Variants in PRSS58 observed in about 807,000 individuals in gnomAD.
PRSS58 encodes serine protease 58.
Under a neutral mutation model 25.0 loss-of-function variants are expected in PRSS58, and 31 were observed. That is an observed-to-expected ratio of 1.24 (90% CI 0.93 to 1.67). PRSS58 has a LOEUF of 1.67. Ranked by LOEUF, PRSS58 falls within the 40% of genes most tolerant of loss-of-function variation. PRSS58 has a pLI of 0.00. For synonymous variants in PRSS58, 119 were observed against 106.1 expected, an observed-to-expected ratio of 1.12 and a Z score of -0.75; for missense variants, 324 against 287.9, an observed-to-expected ratio of 1.13 and a Z score of -0.91.
chr7:142,254,551 T>C (rs1343877250), intron 4 of PRSS58, among the ~76,000 whole-genome samples: 1 of 152,232 alleles, frequency 6.6e-6, no homozygotes, highest in East Asian at 1.9e-4. Context: ...TTTCAGAAGT[T>C]CTTTTTAAAA....
intron 5 of PRSS58, 24 bp downstream of exon 5, chr7:142,252,448 A>ATTAATGGATGAAGAGTATTTTACC: frequency 1.9e-6 from 3 of 1,611,876 alleles, no homozygotes; most frequent in Non-Finnish European, 2.5e-6. Flanking sequence ...AAATGGGAAA[A>ATTAATGGATGAAGAGTATTTTACC]TTAATGGATG....
At chr7:142,256,201 G>A (rs1259559523) in intron 2 of PRSS58, among the ~76,000 whole-genome samples, 1 of 152,108 alleles carries the variant, frequency 6.6e-6, no homozygotes, top group South Asian at 2.1e-4. Context: ...TCTGTTTTAG[G>A]GGCTTGGGCT....
At chr7:142,255,781 G>A in intron 2 of PRSS58, 108 bp from the exon 3 acceptor site, 1 of 893,810 alleles carries the variant, frequency 1.1e-6, no homozygotes. Context: ...CTTTTCTCTA[G>A]CAACTTTATC....
At chr7:142,257,617 T>C (rs1585255274) in intron 2 of PRSS58, 51 bp downstream of exon 2, 1 of 1,504,622 alleles carries the variant, frequency 6.6e-7, no homozygotes. Context: ...TTTCATGCTT[T>C]TCCCAGGATT....
At chr7:142,252,882 G>C (rs981761741) in intron 4 of PRSS58, among the ~76,000 whole-genome samples, 3 of 152,182 alleles carry the variant, frequency 2.0e-5, no homozygotes, top group African/African-American at 7.2e-5. Context: ...GAAACACTTT[G>C]TCTTAAACTT....
In PRSS58 at chr7:142,252,509, C is replaced by A. The variant is rs1321967271; in HGVS notation, c.539G>T (p.Cys180Phe). The A allele has an allele frequency of 6.2e-7, 1 of 1,614,186 alleles. No individual in the cohort carries two copies. The highest frequency in any genetic ancestry group is 1.7e-5 in the Admixed American group (1 of 60,020). Residue 180 changes from cysteine to phenylalanine, a missense_variant, in exon 5 of 6, where the codon TGT becomes TTT. Transcript: ENST00000547058. ...CCTCCTTCCTGGCACAATGCCCACA[C>A]ACAGCATATTTTCCGTGATGTTGTA... ...KTYNITENML[C>F]VGIVPGRRQP...
Position 142,252,532 on chromosome 7 carries a change from G to A in PRSS58, c.516C>T (p.Tyr172=). The change falls in exon 5 of 6, where the codon TAC becomes TAT. Residue 172 remains tyrosine, a synonymous_variant. Transcript: ENST00000547058. ...CACACAGCATATTTTCCGTGATGTT[G>A]TAGGTTTTATAGGCATCGCGACACT... is the stretch of plus-strand genomic sequence containing the variant. The part of the protein sequence containing the change: ...KPQCRDAYKT[Y]NITENMLCVG... The A allele has an allele frequency of 6.2e-7, 1 of 1,614,216 alleles. No homozygotes were observed. Among genetic ancestry groups the A allele is most frequent in the Non-Finnish European group, 8.5e-7 (1 of 1,180,024 alleles).
Position 142,255,230 on chromosome 7 carries a change from C to G in PRSS58, c.261G>C (p.Met87Ile), listed in dbSNP as rs781031779. 12 of 1,613,842 alleles carry G rather than the reference C, an allele frequency of 7.4e-6. No individual in the cohort carries two copies. The East Asian group carries it at 2.7e-4, about 36-fold the overall frequency. ...TGACTGAGAAGTGTGGATGATGAAT[C>G]ATCTTCTCATAGCCAATCACTTGCA... ...KHLQVIGYEK[M>I]IHHPHFSVTS... Residue 87 changes from methionine (M) to isoleucine (I), a missense_variant, in exon 4 of 6, where the codon ATG becomes ATC. By Grantham distance (10) the Met-to-Ile change is conservative. Transcript: ENST00000547058.
chr7:142,254,173 A>G (rs771420746), intron 4 of PRSS58, among the ~76,000 whole-genome samples: 4 of 152,194 alleles, frequency 2.6e-5, no homozygotes, highest in African/African-American at 4.8e-5. Context: ...AGTTGCATTA[A>G]TAATTCTTCA....
Position 142,252,340 on chromosome 7 carries a change from C to G in PRSS58, c.607G>C (p.Gly203Arg). ...AAAGACAGGATTCCTTGAAGCATCCCATTGCAGATTGCCGGGGCAGCAGAA... is the reference window on the plus strand; with the variant it reads ...AAAGACAGGATTCCTTGAAGCATCCGATTGCAGATTGCCGGGGCAGCAGAA... The part of the protein sequence containing the change: ...EVSAAPAICN[G>R]MLQGILSFAD... Residue 203 changes from glycine to arginine, a missense_variant, in exon 6 of 6, where the codon GGG (glycine) becomes CGG (arginine). Coordinates refer to ENST00000547058, the MANE Select transcript of PRSS58 (RefSeq NM_001001317.5). The G allele has an allele frequency of 6.2e-7, 1 of 1,614,026 alleles. No homozygotes were observed. Among genetic ancestry groups the G allele is most frequent in the Non-Finnish European group, 8.5e-7 (1 of 1,179,970 alleles).
Position 142,252,383 on chromosome 7 carries a change from C to CAAT in PRSS58, c.577-16_577-14dup. 1 of 1,611,288 alleles carries CAAT rather than the reference C, an allele frequency of 6.2e-7. No homozygotes were observed. Among genetic ancestry groups the CAAT allele is most frequent in the African/African-American group, 1.3e-5 (1 of 74,766 alleles). Reference sequence around the variant, plus strand: ...CAGCAGAAACTTCCTGCCAGGAAAACAATAATAACAACAACAAAAAAGCAG... The same window carrying CAAT: ...CAGCAGAAACTTCCTGCCAGGAAAACAATAATAATAACAACAACAAAAAAGCAG... On this transcript the variant is annotated splice_polypyrimidine_tract_variant and intron_variant, in intron 5 of 5. Coordinates refer to ENST00000547058, the MANE Select transcript of PRSS58 (RefSeq NM_001001317.5).
chr7:142,256,009 A>G (rs1798550398), intron 2 of PRSS58, among the ~76,000 whole-genome samples: 1 of 152,194 alleles, frequency 6.6e-6, no homozygotes, highest in Admixed American at 6.5e-5. Context: ...TGCTTCAATA[A>G]GTCTTAAGGC....
chr7:142,256,575 T>G (rs1486725610), intron 2 of PRSS58, among the ~76,000 whole-genome samples: 1 of 152,154 alleles, frequency 6.6e-6, no homozygotes, highest in African/African-American at 2.4e-5. Flanking sequence ...CAAACCCTCC[T>G]GAGTAGCTTG....
At chr7:142,255,460 C>A in intron 3 of PRSS58, 75 bp downstream of exon 3, 1 of 1,604,342 alleles carries the variant, frequency 6.2e-7, no homozygotes, top group Non-Finnish European at 8.5e-7. Context: ...GGGAGATGGT[C>A]TCAGACAGGG....
chr7:142,257,424 G>A (rs1215723319), intron 2 of PRSS58, among the ~76,000 whole-genome samples: 1 of 152,148 alleles, frequency 6.6e-6, no homozygotes, highest in East Asian at 1.9e-4. Flanking sequence ...CAGGTCTTAG[G>A]AGTGGGTCTG....
intron 4 of PRSS58, among the ~76,000 whole-genome samples, chr7:142,253,483 C>A (rs1798501689): frequency 6.6e-6 from 1 of 152,134 alleles, no homozygotes; most frequent in South Asian, 2.1e-4. Flanking sequence ...CAAAATTTGT[C>A]CAATCTGAAA....
Position 142,255,621 on chromosome 7 carries a change from C to A in PRSS58, c.93G>T (p.Leu31Phe). The stretch of plus-strand genomic sequence containing the variant: ...GCAAGTAGTCAGATTTCAAATAGAC[C>A]AAGTAAGGGGGAGTGGAGCTGACTG... ...DYTVSSTPPY[L>F]VYLKSDYLPC... The change falls in exon 3 of 6, where the codon TTG (leucine) becomes TTT (phenylalanine). Residue 31 changes from leucine to phenylalanine, a missense_variant. Transcript: ENST00000547058. The A allele has an allele frequency of 6.2e-7, 1 of 1,613,874 alleles. No individual in the cohort carries two copies.
chr7:142,252,715 A>G (rs1044483047), intron 4 of PRSS58, 104 bp from the exon 5 acceptor site: 1 of 1,250,854 alleles, frequency 8.0e-7, no homozygotes, highest in Non-Finnish European at 1.1e-6. Flanking sequence ...AAAAGAGATC[A>G]AACATTCAGA....
rs1385920978 is a variant in PRSS58 at position 142,255,621 on chromosome 7, C to T, written c.93G>A (p.Leu31=). 1.2e-6 allele frequency: 2 copies of T among 1,613,874 alleles called. No individual in the cohort carries two copies. Among genetic ancestry groups the T allele is most frequent in the Middle Eastern group, 1.7e-4 (1 of 6,056 alleles). Residue 31 remains leucine (L), a synonymous_variant, in exon 3 of 6, where the codon TTG becomes TTA. Transcript: ENST00000547058. ...DYTVSSTPPY[L]VYLKSDYLPC... Reference sequence around the variant, plus strand: ...GCAAGTAGTCAGATTTCAAATAGACCAAGTAAGGGGGAGTGGAGCTGACTG... The same window carrying T: ...GCAAGTAGTCAGATTTCAAATAGACTAAGTAAGGGGGAGTGGAGCTGACTG...
Sources: gnomAD v4.1 joint callset for allele counts (sites outside exome capture counted in the v4.1 genomes callset) on GRCh38, gnomAD v4.1.1 for gene constraint, MANE v1.5 for transcripts, NCBI Gene and HGNC (gene_info 2026-07-23, HGNC 2026-07-21) for gene names.